The following GRIK2 variants were observed in gnomAD, a reference collection of about 807,000 sequenced individuals.
GRIK2 encodes the protein glutamate receptor ionotropic, kainate 2.
GRIK2 carries 32 observed loss-of-function variants against 100.3 expected under a neutral mutation model. The ratio of observed to expected loss-of-function variants is 0.32; its 90% CI spans 0.24 to 0.43. The LOEUF (loss-of-function observed/expected upper bound fraction) is 0.43, where lower values mean the gene tolerates loss of function less well. Among genes scored for constraint, GRIK2 ranks in the 20% least tolerant of loss-of-function variants. The pLI is 1.00. For missense variants in GRIK2, 843 were observed against 1,114.9 expected (o/e 0.76, Z 3.47); for synonymous variants, 417 against 389.4 (o/e 1.07, Z -0.83).
At chr6:101,639,184 G>T (rs770051644) in intron 4 of GRIK2, among the ~76,000 whole-genome samples, 1 of 152,060 alleles carries the variant, frequency 6.6e-6, no homozygotes, top group Non-Finnish European at 1.5e-5. Context: ...CTACAGGCAC[G>T]TGCCACCATG....
intron 14 of GRIK2, among the ~76,000 whole-genome samples, chr6:101,972,221 C>G (rs1034501897): frequency 2.6e-5 from 4 of 151,962 alleles, no homozygotes; most frequent in South Asian, 4.1e-4. Flanking sequence ...TTCTCACGAA[C>G]AGTGTATAAG....
intron 2 of GRIK2, among the ~76,000 whole-genome samples, chr6:101,602,947 A>G (rs1371529322): frequency 1.3e-5 from 2 of 151,686 alleles, no homozygotes; most frequent in African/African-American, 4.8e-5. Context: ...TATCATCTCT[A>G]TCTTCTCTAT....
intron 2 of GRIK2, among the ~76,000 whole-genome samples, chr6:101,480,008 A>G (rs1772444640): frequency 1.3e-5 from 2 of 152,274 alleles, no homozygotes; most frequent in Admixed American, 6.5e-5. Context: ...AGAAAATTCA[A>G]ATAACATTGT....
intron 2 of GRIK2, among the ~76,000 whole-genome samples, chr6:101,616,743 C>A (rs756523625): frequency 4.0e-5 from 6 of 151,546 alleles, no homozygotes; most frequent in Non-Finnish European, 7.4e-5. Flanking sequence ...AAGTTTGTGT[C>A]GATTTATTTT....
At chr6:102,053,617 A>T (rs1348889041) in intron 15 of GRIK2, among the ~76,000 whole-genome samples, 1 of 152,168 alleles carries the variant, frequency 6.6e-6, no homozygotes, top group African/African-American at 2.4e-5. Context: ...TCTGCATTAG[A>T]TATTACATAA....
chr6:101,528,501 A>G (rs1052454891), intron 2 of GRIK2, among the ~76,000 whole-genome samples: 5 of 152,096 alleles, frequency 3.3e-5, no homozygotes, highest in African/African-American at 9.7e-5. Context: ...TTCAAATTTC[A>G]GGTAAGGAAC....
Position 101,716,734 on chromosome 6 carries a change from G to T in GRIK2, c.951+30381G>T, listed in dbSNP as rs1247138838. ...CTGCATGTTGTGCACACGTACCCAA[G>T]AACTTAAAGAATAATAATAAAACAA... On this transcript the variant is annotated intron_variant, in intron 7 of 16. Transcript: ENST00000369134. 3.3e-5 allele frequency among the ~76,000 whole-genome samples: 5 copies of T among 151,678 alleles called. No individual in the cohort carries two copies. The East Asian group carries it at 9.8e-4, about 30-fold the overall frequency.
intron 12 of GRIK2, among the ~76,000 whole-genome samples, chr6:101,920,753 G>GT (rs1789441145): frequency 6.6e-6 from 1 of 151,456 alleles, no homozygotes; most frequent in African/African-American, 2.4e-5. Flanking sequence ...GGAAAGGGGG[G>GT]TCAGAGATCA....
At chr6:101,509,532 G>C (rs1774197346) in intron 2 of GRIK2, among the ~76,000 whole-genome samples, 1 of 152,156 alleles carries the variant, frequency 6.6e-6, no homozygotes, top group African/African-American at 2.4e-5. Flanking sequence ...TGAATTGAAA[G>C]CTTAGGAAGA....
Position 101,760,599 on chromosome 6 carries a change from TATATA to T in GRIK2, c.952-39048_952-39044del, listed in dbSNP as rs1369789691. Among the ~76,000 whole-genome samples, 535 of 98,682 alleles carry T rather than the reference TATATA, an allele frequency of 5.4e-3. 66 individuals are homozygous for T. The highest frequency in any genetic ancestry group is 0.021 in the African/African-American group (499 of 24,150). 64.7% of individuals were successfully genotyped at this position (98,682 alleles called of 152,430 possible). ...TTAATTATATATAATTATATATAAT[TATATA>T]TAATTATATTTAATTATATGTTTAA... is the stretch of plus-strand genomic sequence containing the variant. On this transcript the variant is annotated intron_variant, in intron 7 of 16. Coordinates refer to ENST00000369134, the MANE Select transcript of GRIK2 (RefSeq NM_021956.5).
At chr6:101,474,732 T>A (rs1772138630) in intron 2 of GRIK2, among the ~76,000 whole-genome samples, 1 of 151,788 alleles carries the variant, frequency 6.6e-6, no homozygotes, top group Admixed American at 6.6e-5. Context: ...GGCAGGCTTT[T>A]TTTTTGTTTT....
At chr6:101,951,136 C>T (rs935262159) in intron 14 of GRIK2, among the ~76,000 whole-genome samples, 1 of 152,122 alleles carries the variant, frequency 6.6e-6, no homozygotes, top group African/African-American at 2.4e-5. Context: ...TGCAGTCATC[C>T]AAACACCTTT....
chr6:101,433,213 G>A (rs991136047), intron 2 of GRIK2, among the ~76,000 whole-genome samples: 2 of 152,120 alleles, frequency 1.3e-5, no homozygotes, highest in Non-Finnish European at 2.9e-5. Context: ...AGTATGTAAA[G>A]TATCCAATAA....
intron 7 of GRIK2, among the ~76,000 whole-genome samples, chr6:101,778,340 GATGT>G (rs1432974184): frequency 6.6e-6 from 1 of 152,078 alleles, no homozygotes; most frequent in African/African-American, 2.4e-5. Context: ...ACTTCTAATA[GATGT>G]ATGAGAGTAA....
intron 10 of GRIK2, among the ~76,000 whole-genome samples, chr6:101,836,298 T>C (rs1244081222): frequency 1.3e-5 from 2 of 152,126 alleles, no homozygotes; most frequent in East Asian, 3.9e-4. Flanking sequence ...GAACATTCTC[T>C]AGAGTCTTGA....
chr6:101,899,883 G>C (rs542072631), intron 12 of GRIK2, among the ~76,000 whole-genome samples: 1 of 152,012 alleles, frequency 6.6e-6, no homozygotes, highest in Non-Finnish European at 1.5e-5. Context: ...ACTATTCTTG[G>C]TAATGGGGGG....
At chr6:101,470,253 G>T (rs1277821803) in intron 2 of GRIK2, among the ~76,000 whole-genome samples, 1 of 152,182 alleles carries the variant, frequency 6.6e-6, no homozygotes, top group Non-Finnish European at 1.5e-5. Flanking sequence ...TAGTTTCTGG[G>T]ATCTCCTTAA....
chr6:101,818,248 T>C, intron 9 of GRIK2, 122 bp from the exon 10 acceptor site: 3 of 608,388 alleles, frequency 4.9e-6, no homozygotes, highest in South Asian at 2.2e-5. Context: ...GCCTTTACTT[T>C]AACGGCAGCA....
At chr6:102,002,355 G>A (rs1214348144) in intron 14 of GRIK2, among the ~76,000 whole-genome samples, 2 of 144,044 alleles carry the variant, frequency 1.4e-5, no homozygotes, top group Non-Finnish European at 3.1e-5. Context: ...ATATGTGCAT[G>A]TATATATTAT....
Sources: allele counts gnomAD v4.1 joint callset (sites outside exome capture counted in the v4.1 genomes callset), GRCh38; gene constraint gnomAD v4.1.1; transcripts MANE v1.5; gene names NCBI Gene and HGNC (gene_info 2026-07-23, HGNC 2026-07-21).